The following CAAP1 variants were observed in gnomAD, a reference collection of about 807,000 sequenced individuals.
The protein encoded by CAAP1 is caspase activity and apoptosis inhibitor 1.
CAAP1 carries 20 observed loss-of-function variants against 34.0 expected under a neutral mutation model. The observed-to-expected ratio is 0.59, with a 90% CI of 0.41 to 0.86. The LOEUF (loss-of-function observed/expected upper bound fraction) is 0.86. Among genes scored for constraint, CAAP1 ranks in the 40% least tolerant of loss-of-function variants. The probability of loss-of-function intolerance (pLI) is 0.00; values close to 1 mark genes in which losing one functional copy is unlikely to be tolerated. For synonymous variants in CAAP1, 213 were observed against 166.7 expected, an observed-to-expected ratio of 1.28 and a Z score of -2.14; for missense variants, 538 against 450.5, an observed-to-expected ratio of 1.19 and a Z score of -1.76.
intron 5 of CAAP1, among the ~76,000 whole-genome samples, chr9:26,846,156 C>T (rs963779992): frequency 2.0e-5 from 3 of 152,128 alleles, no homozygotes; most frequent in African/African-American, 4.8e-5. Context: ...CGGTGGCTCA[C>T]GCCTGGAATC....
intron 5 of CAAP1, among the ~76,000 whole-genome samples, chr9:26,843,486 C>A (rs114838428): frequency 0.021 from 3,203 of 150,712 alleles, 107 homozygotes; most frequent in African/African-American, 0.074. Context: ...TCTTTTTTTT[C>A]TTTTTATTTT....
chr9:26,869,602 C>T (rs12352731), intron 4 of CAAP1, among the ~76,000 whole-genome samples: 6,497 of 152,254 alleles, frequency 0.043, 474 homozygotes, highest in African/African-American at 0.15. Flanking sequence ...GCAACCCGAG[C>T]TTTCCCAAAC....
intron 1 of CAAP1, 82 bp downstream of exon 1, chr9:26,892,331 C>G (rs755545179): frequency 1.3e-6 from 2 of 1,561,852 alleles, no homozygotes; most frequent in Non-Finnish European, 1.7e-6. Flanking sequence ...TGAGCTCCAG[C>G]CTGCGCCCCA....
chr9:26,847,102 A>AATAT (rs1822628909), intron 5 of CAAP1, among the ~76,000 whole-genome samples: 4 of 151,408 alleles, frequency 2.6e-5, no homozygotes, highest in Non-Finnish European at 5.9e-5. Context: ...TTGACTTAAA[A>AATAT]ATATATCTTG....
At position 26,884,833 on chromosome 9, in the gene CAAP1, C is replaced by T. The variant is rs745589361; in HGVS notation, c.642G>A (p.Lys214=). The stretch of plus-strand genomic sequence containing the variant: ...ACTGACTGACTAAATCAGATCCCAT[C>T]TTAGAACCATCATCTGCTTCCTCTT... The part of the protein sequence containing the change: ...DMEEEADDGS[K]MGSDLVSQQD... Residue 214 remains lysine, a synonymous_variant, in exon 4 of 6, where the codon AAG becomes AAA. Transcript: ENST00000333916. The T allele has an allele frequency of 1.9e-6, 3 of 1,609,576 alleles. No individual in the cohort carries two copies. The highest frequency in any genetic ancestry group is 2.5e-6 in the Non-Finnish European group (3 of 1,179,238).
At chr9:26,857,020 G>C (rs1366749547) in intron 5 of CAAP1, among the ~76,000 whole-genome samples, 1 of 152,276 alleles carries the variant, frequency 6.6e-6, no homozygotes, top group African/African-American at 2.4e-5. Flanking sequence ...TGAATGTCTT[G>C]AGTAAACTTA....
At chr9:26,846,640 A>G (rs1302165846) in intron 5 of CAAP1, among the ~76,000 whole-genome samples, 1 of 151,856 alleles carries the variant, frequency 6.6e-6, no homozygotes, top group African/African-American at 2.4e-5. Flanking sequence ...CATTCTTGTA[A>G]AAGGTTGAAG....
At chr9:26,892,247 T>C in intron 1 of CAAP1, 166 bp downstream of exon 1, 1 of 1,495,716 alleles carries the variant, frequency 6.7e-7, no homozygotes, top group South Asian at 1.3e-5. Flanking sequence ...CGGATGGGAG[T>C]GTGGGGCTCA....
intron 5 of CAAP1, among the ~76,000 whole-genome samples, chr9:26,856,906 T>C (rs1046848812): frequency 6.6e-6 from 1 of 152,218 alleles, no homozygotes; most frequent in Non-Finnish European, 1.5e-5. Flanking sequence ...CATAAGAACT[T>C]AATTTTTGAA....
At position 26,892,450 on chromosome 9, in the gene CAAP1, C is replaced by G. The variant is rs763501368; in HGVS notation, c.266G>C (p.Ser89Thr). ...GCCCGAGACGCTGGAAGAGTCGGTA[C>G]TCCTCCGCTTCCGGCGCTCGCTGCG... is the stretch of plus-strand genomic sequence containing the variant. Reference protein sequence around the residue: ...VERSERRKRRSTDSSSVSGSL... With the variant: ...VERSERRKRRTTDSSSVSGSL... Residue 89 changes from serine to threonine, a missense_variant, in exon 1 of 6, where the codon AGT becomes ACT. Physicochemically the swap from Ser to Thr is moderately conservative, Grantham distance 58. Transcript: ENST00000333916. 44 of 1,590,500 alleles carry G rather than the reference C, an allele frequency of 2.8e-5. No homozygotes were observed. Among genetic ancestry groups the G allele is most frequent in the Non-Finnish European group, 3.5e-5 (41 of 1,170,308 alleles).
chr9:26,861,178 T>G, intron 4 of CAAP1, 39 bp from the exon 5 acceptor site: 1 of 1,429,678 alleles, frequency 7.0e-7, no homozygotes, highest in South Asian at 1.2e-5. Flanking sequence ...AAAACTATAT[T>G]TAATCACATA....
At chr9:26,851,688 G>C (rs1587091815) in intron 5 of CAAP1, among the ~76,000 whole-genome samples, 1 of 152,302 alleles carries the variant, frequency 6.6e-6, no homozygotes, top group East Asian at 1.9e-4. Context: ...TGATTAAACA[G>C]GGTTCTGGTA....
intron 1 of CAAP1, among the ~76,000 whole-genome samples, chr9:26,888,937 A>C (rs533845878): frequency 6.6e-6 from 1 of 152,372 alleles, no homozygotes; most frequent in African/African-American, 2.4e-5. Flanking sequence ...AAACAAAACA[A>C]AATGTGGTAT....
chr9:26,870,656 C>T (rs924754591), intron 4 of CAAP1, among the ~76,000 whole-genome samples: 3 of 150,892 alleles, frequency 2.0e-5, no homozygotes, highest in Non-Finnish European at 4.4e-5. Context: ...CTCTGTTGCC[C>T]AGGCTGGAGT....
intron 4 of CAAP1, among the ~76,000 whole-genome samples, chr9:26,867,645 A>G (rs935858351): frequency 2.0e-5 from 3 of 152,172 alleles, no homozygotes; most frequent in Admixed American, 6.5e-5. Flanking sequence ...AGAAATCAAC[A>G]TATTTTCACA....
At chr9:26,843,597 T>C (rs2131291110) in intron 5 of CAAP1, among the ~76,000 whole-genome samples, 1 of 151,666 alleles carries the variant, frequency 6.6e-6, no homozygotes, top group South Asian at 2.1e-4. Flanking sequence ...TGAATATGTT[T>C]TTTTTTTTAA....
chr9:26,880,127 G>C (rs959880277), intron 4 of CAAP1: 1 of 198,414 alleles, frequency 5.0e-6, no homozygotes, highest in Non-Finnish European at 1.0e-5. Context: ...AGAATGTAAT[G>C]TTTCCCATCA....
At chr9:26,862,545 G>A (rs1395882027) in intron 4 of CAAP1, among the ~76,000 whole-genome samples, 1 of 152,052 alleles carries the variant, frequency 6.6e-6, no homozygotes, top group South Asian at 2.1e-4. Flanking sequence ...CCTGTATTAT[G>A]AAGAATCACC....
intron 5 of CAAP1, among the ~76,000 whole-genome samples, chr9:26,854,015 C>A (rs548186041): frequency 6.6e-6 from 1 of 152,168 alleles, no homozygotes; most frequent in Non-Finnish European, 1.5e-5. Context: ...TTTCTTCAAA[C>A]CAAAGGGCAC....
Sources: allele counts gnomAD v4.1 joint callset (sites outside exome capture counted in the v4.1 genomes callset), GRCh38; gene constraint gnomAD v4.1.1; transcripts MANE v1.5; gene names NCBI Gene and HGNC (gene_info 2026-07-23, HGNC 2026-07-21).